THSD7B: variants seen among roughly 807,000 people sequenced by gnomAD.
THSD7B encodes thrombospondin type-1 domain-containing protein 7B.
A neutral mutation model predicts 213.6 loss-of-function variants in THSD7B; 138 were observed. That is an observed-to-expected ratio of 0.65 (90% CI 0.56 to 0.74). The LOEUF is 0.74. Among genes scored for constraint, THSD7B ranks in the 30% least tolerant of loss-of-function variants. THSD7B has a pLI of 0.00. For missense variants in THSD7B, 1,931 were observed against 1,991.5 expected, an observed-to-expected ratio of 0.97 and a Z score of 0.58; for synonymous variants, 742 against 687.0, an observed-to-expected ratio of 1.08 and a Z score of -1.25.
chr2:137,562,767 A>G (rs890434242), intron 15 of THSD7B, among the ~76,000 whole-genome samples: 9 of 152,138 alleles, frequency 5.9e-5, no homozygotes, highest in African/African-American at 2.2e-4. Flanking sequence ...GGTACAAATC[A>G]TATCACTTTT....
intron 2 of THSD7B, among the ~76,000 whole-genome samples, chr2:137,008,639 A>G (rs758236405): frequency 2.6e-4 from 40 of 152,132 alleles, no homozygotes; most frequent in Non-Finnish European, 3.5e-4. Context: ...CAATGTAAAG[A>G]GATAAAACTC....
chr2:137,120,136 C>T lies in THSD7B; in HGVS notation c.1369+4843C>T, dbSNP rs578088344. 7.2e-5 allele frequency among the ~76,000 whole-genome samples: 11 copies of T among 152,200 alleles called. No homozygotes were observed. The South Asian group carries it at 2.3e-3, about 32-fold the overall frequency. Reference sequence around the variant, plus strand: ...AAGCAGAGATAACGGGATAAAATAACCTTTGCTAATTAACAGCAGGATATT... The same window carrying T: ...AAGCAGAGATAACGGGATAAAATAATCTTTGCTAATTAACAGCAGGATATT... On this transcript the variant is annotated intron_variant, in intron 5 of 27. Transcript: ENST00000409968.
intron 15 of THSD7B, among the ~76,000 whole-genome samples, chr2:137,518,529 T>C (rs1680117737): frequency 6.6e-6 from 1 of 152,168 alleles, no homozygotes; most frequent in Non-Finnish European, 1.5e-5. Context: ...CGATGAGGTA[T>C]GTGGATGGAA....
At chr2:137,142,579 ATAT>A (rs1453147989) in intron 5 of THSD7B, among the ~76,000 whole-genome samples, 4 of 152,080 alleles carry the variant, frequency 2.6e-5, no homozygotes, top group Non-Finnish European at 4.4e-5. Flanking sequence ...GTTTTATTTG[ATAT>A]TATCAAATTT....
intron 14 of THSD7B, among the ~76,000 whole-genome samples, chr2:137,446,960 A>G (rs758331208): frequency 1.3e-5 from 2 of 152,136 alleles, no homozygotes; most frequent in Non-Finnish European, 2.9e-5. Context: ...GCCAAAAACT[A>G]TAAGTGTTAA....
chr2:136,951,960 C>T (rs1186932667), intron 2 of THSD7B, among the ~76,000 whole-genome samples: 1 of 152,158 alleles, frequency 6.6e-6, no homozygotes, highest in Non-Finnish European at 1.5e-5. Flanking sequence ...ACCTCCGCCT[C>T]TTGGGTTCAA....
chr2:137,375,060 C>G (rs538176715), intron 12 of THSD7B, among the ~76,000 whole-genome samples: 1 of 152,188 alleles, frequency 6.6e-6, no homozygotes, highest in African/African-American at 2.4e-5. Flanking sequence ...TTTATCAGAT[C>G]TCATTACAGG....
intron 15 of THSD7B, among the ~76,000 whole-genome samples, chr2:137,537,069 CAA>C (rs571168523): frequency 6.6e-6 from 1 of 151,272 alleles, no homozygotes; most frequent in African/African-American, 2.4e-5. Context: ...GTTGTCTATA[CAA>C]AAAAAAGAGT....
At chr2:137,458,738 G>A (rs1024434281) in intron 15 of THSD7B, among the ~76,000 whole-genome samples, 1 of 152,098 alleles carries the variant, frequency 6.6e-6, no homozygotes, top group African/African-American at 2.4e-5. Context: ...TGCATGGTCT[G>A]TCCCTTTGGG....
chr2:137,352,129 A>T (rs1378969885), intron 12 of THSD7B, among the ~76,000 whole-genome samples: 1 of 151,840 alleles, frequency 6.6e-6, no homozygotes, highest in Non-Finnish European at 1.5e-5. Flanking sequence ...ACCTAAAAAT[A>T]AAAAAGAGAA....
At chr2:137,259,807 G>A (rs1255518303) in intron 10 of THSD7B, among the ~76,000 whole-genome samples, 1 of 152,144 alleles carries the variant, frequency 6.6e-6, no homozygotes, top group Non-Finnish European at 1.5e-5. Context: ...TTTGGTTGTA[G>A]CTTCAATTTC....
At chr2:136,814,989 G>C (rs1682447495) in intron 1 of THSD7B, among the ~76,000 whole-genome samples, 1 of 152,124 alleles carries the variant, frequency 6.6e-6, no homozygotes, top group African/African-American at 2.4e-5. Context: ...AGTTTTATTG[G>C]AATGCAGCCA....
chr2:136,772,687 G>C lies in THSD7B; in HGVS notation c.-36+7000G>C, dbSNP rs76453392. Reference sequence around the variant, plus strand: ...TGGGTCACTCTTGTGATTTGGTGAGGTGAGTGCTCTTGTCTGTTGTCTTTG... The same window carrying C: ...TGGGTCACTCTTGTGATTTGGTGAGCTGAGTGCTCTTGTCTGTTGTCTTTG... On this transcript the variant is annotated intron_variant, in intron 1 of 27. Coordinates refer to ENST00000409968, the MANE Select transcript of THSD7B (RefSeq NM_001316349.2). Among the ~76,000 whole-genome samples the C allele has an allele frequency of 3.0e-4, 46 of 152,218 alleles. No homozygotes were observed. In the East Asian group the frequency reaches 8.9e-3, roughly 29 times the overall value.
chr2:136,929,990 C>T (rs1684600992), intron 2 of THSD7B, among the ~76,000 whole-genome samples: 1 of 152,098 alleles, frequency 6.6e-6, no homozygotes, highest in Non-Finnish European at 1.5e-5. Context: ...AAGATTAACT[C>T]TTTAGGGTAT....
chr2:137,484,559 T>C (rs1423406850), intron 15 of THSD7B, among the ~76,000 whole-genome samples: 1 of 70,894 alleles, frequency 1.4e-5, no homozygotes, highest in African/African-American at 5.8e-5. Context: ...CTGGGTCAAA[T>C]GATATTTCTA....
chr2:137,047,894 G>A (rs979407396), intron 2 of THSD7B, among the ~76,000 whole-genome samples: 2 of 152,144 alleles, frequency 1.3e-5, no homozygotes, highest in Non-Finnish European at 2.9e-5. Flanking sequence ...AAGGAAGAAG[G>A]TCTCTACAGT....
chr2:136,914,194 G>T (rs576855409), intron 2 of THSD7B, among the ~76,000 whole-genome samples: 1 of 152,150 alleles, frequency 6.6e-6, no homozygotes, highest in Non-Finnish European at 1.5e-5. Context: ...TCGGACATAC[G>T]TGGGCCCTGT....
At chr2:136,945,310 A>C (rs939301135) in intron 2 of THSD7B, among the ~76,000 whole-genome samples, 2 of 151,806 alleles carry the variant, frequency 1.3e-5, no homozygotes, top group African/African-American at 4.8e-5. Flanking sequence ...TTCTTGCGCC[A>C]TGGTTGTAGA....
At chr2:136,943,855 GA>G (rs1684877644) in intron 2 of THSD7B, among the ~76,000 whole-genome samples, 1 of 152,138 alleles carries the variant, frequency 6.6e-6, no homozygotes, top group East Asian at 1.9e-4. Context: ...TTGATTTTTT[GA>G]AGGGTTTTTT....
Sources: allele counts gnomAD v4.1 joint callset (sites outside exome capture counted in the v4.1 genomes callset), GRCh38; gene constraint gnomAD v4.1.1; transcripts MANE v1.5; gene names NCBI Gene and HGNC (gene_info 2026-07-23, HGNC 2026-07-21).